Variants in LOX observed in about 807,000 individuals in gnomAD.
The protein encoded by LOX is lysyl oxidase, also known as protein-lysine 6-oxidase.
In LOX, 12 loss-of-function variants were observed where a neutral mutation model predicts 50.5. That is an observed-to-expected ratio of 0.24 (90% CI 0.15 to 0.38). LOX has a LOEUF of 0.38. LOX is among the 10% of genes least tolerant of loss of function. LOX has a pLI of 1.00. For synonymous variants in LOX, 254 were observed against 230.6 expected (o/e 1.10, Z -0.92); for missense variants, 504 against 563.8 (o/e 0.89, Z 1.07).
chr5:122,070,361 G>T (rs972874947), intron 5 of LOX, 133 bp downstream of exon 5: 6 of 648,174 alleles, frequency 9.3e-6, no homozygotes, highest in Non-Finnish European at 8.2e-6. Context: ...GATTAGATTA[G>T]ATTAGATTGT....
In LOX at chr5:122,063,906, T is replaced by A. The variant is rs1271728294; in HGVS notation, c.*2837A>T. 6.6e-6 allele frequency: 1 copy of A among 151,918 alleles called. No individual in the cohort carries two copies. The highest frequency in any genetic ancestry group is 1.5e-5 in the Non-Finnish European group (1 of 67,890). The allele number at this position is 151,918 out of a possible 1,614,324, so 9.4% of individuals were successfully genotyped here. ...CTACAAATAATGCCTAGTGAGTAAT[T>A]GGATGATAGAAATTGTAAATAAAGT... On this transcript the variant is annotated 3_prime_UTR_variant, in exon 7 of 7. Coordinates refer to ENST00000231004, the MANE Select transcript of LOX (RefSeq NM_002317.7).
At position 122,065,752 on chromosome 5, in the gene LOX, T is replaced by C. The variant is rs1189914944; in HGVS notation, c.*991A>G. On this transcript the variant is annotated 3_prime_UTR_variant, in exon 7 of 7. Transcript: ENST00000231004. ...AACTTGAAAAATCCTAAAATGTTTTTCAATTTTTTTAAGCTATTTGAGAGA... is the reference window on the plus strand; with the variant it reads ...AACTTGAAAAATCCTAAAATGTTTTCCAATTTTTTTAAGCTATTTGAGAGA... The C allele has an allele frequency of 1.3e-5, 2 of 152,110 alleles. No homozygotes were observed. The highest frequency in any genetic ancestry group is 2.9e-5 in the Non-Finnish European group (2 of 67,990). The allele number at this position is 152,110 out of a possible 1,614,324, so 9.4% of individuals were successfully genotyped here.
chr5:122,066,666 C>T lies in LOX; in HGVS notation c.*77G>A. 8.7e-7 allele frequency: 1 copy of T among 1,152,588 alleles called. No homozygotes were observed. Among genetic ancestry groups the T allele is most frequent in the South Asian group, 1.3e-5 (1 of 77,842 alleles). The allele number at this position is 1,152,588 out of a possible 1,614,324, so 71.4% of individuals were successfully genotyped here. A position where few individuals can be genotyped will look rare whatever the true frequency, so the allele number is the denominator to read the frequency against. ...TTCTCTTTTTCAAAATACATAAATC[C>T]TACTGAAGTTAGTCTATTTTTTCCC... On this transcript the variant is annotated 3_prime_UTR_variant, in exon 7 of 7. Coordinates refer to ENST00000231004, the MANE Select transcript of LOX (RefSeq NM_002317.7).
rs768819499 is a variant in LOX at position 122,070,111 on chromosome 5, G to A, written c.1189C>T (p.Arg397Cys). The A allele has an allele frequency of 9.3e-6, 15 of 1,613,272 alleles. No homozygotes were observed. Among genetic ancestry groups the A allele is most frequent in the Admixed American group, 1.7e-5 (1 of 59,946 alleles). The change falls in exon 6 of 7, where the codon CGC becomes TGC. Residue 397 changes from arginine (R) to cysteine (C), a missense_variant. This residue lies in a region of LOX where 106 missense variants were observed against 198.1 expected (regional missense o/e 0.54). Coordinates refer to ENST00000231004, the MANE Select transcript of LOX (RefSeq NM_002317.7). Reference protein sequence around the residue: ...PESDYTNNVVRCDIRYTGHHA... With the variant: ...PESDYTNNVVCCDIRYTGHHA... Reference sequence around the variant, plus strand: ...TGTCCTGTGTAGCGAATGTCACAGCGCACAACATTGTTGGTATAGTCAGAT... The same window carrying A: ...TGTCCTGTGTAGCGAATGTCACAGCACACAACATTGTTGGTATAGTCAGAT...
chr5:122,077,422 A>G lies in LOX; in HGVS notation c.564T>C (p.Asp188=), dbSNP rs1051884002. 8.1e-6 allele frequency: 13 copies of G among 1,613,900 alleles called. No homozygotes were observed. In the African/African-American group the frequency reaches 1.7e-4, roughly 22 times the overall value. Residue 188 remains aspartate (D), a synonymous_variant, in exon 1 of 7, where the codon GAT becomes GAC. Coordinates refer to ENST00000231004, the MANE Select transcript of LOX (RefSeq NM_002317.7). This position sits in a 1 kb window ranked among gnomAD's most constrained non-coding sequence, Gnocchi z 4.9. ...SDDNPYYNYY[D]TYERPRPGGR... ...CCCCAGGTCTGGGCCTTTCATAAGT[A>G]TCGTAGTAGTTGTAATAAGGGTTGT...
rs1343534145 is a variant in LOX, at chr5:122,077,475, G to T, written c.511C>A (p.Pro171Thr). ...SRVDGMVGDD[P>T]YNPYKYSDDN... The stretch of plus-strand genomic sequence containing the variant: ...TCAGAGTACTTGTAGGGGTTGTAAG[G>T]GTCGTCGCCCACCATGCCGTCCACG... The change falls in exon 1 of 7, where the codon CCT becomes ACT. Residue 171 changes from proline (P) to threonine (T), a missense_variant. Pro to Thr is a conservative substitution (Grantham distance 38, BLOSUM62 -1). This residue lies in a region of LOX where 398 missense variants were observed against 365.8 expected (regional missense o/e 1.09). Coordinates refer to ENST00000231004, the MANE Select transcript of LOX (RefSeq NM_002317.7). The surrounding 1 kb of genome is among the most constrained non-coding windows in gnomAD (Gnocchi z 4.9). 2 of 1,614,030 alleles carry T rather than the reference G, an allele frequency of 1.2e-6. No individual in the cohort carries two copies. The highest frequency in any genetic ancestry group is 1.7e-6 in the Non-Finnish European group (2 of 1,180,004).
Position 122,070,110 on chromosome 5 carries a change from C to T in LOX, c.1190G>A (p.Arg397His), listed in dbSNP as rs749796906. The change falls in exon 6 of 7, where the codon CGC becomes CAC. Residue 397 changes from arginine to histidine, a missense_variant. Physicochemically the swap from Arg to His is conservative, Grantham distance 29. Coordinates refer to ENST00000231004, the MANE Select transcript of LOX (RefSeq NM_002317.7). ...ATGTCCTGTGTAGCGAATGTCACAGCGCACAACATTGTTGGTATAGTCAGA... is the reference window on the plus strand; with the variant it reads ...ATGTCCTGTGTAGCGAATGTCACAGTGCACAACATTGTTGGTATAGTCAGA... ...PESDYTNNVVRCDIRYTGHHA... is the reference protein window; with the variant it reads ...PESDYTNNVVHCDIRYTGHHA... The T allele has an allele frequency of 4.1e-5, 66 of 1,613,176 alleles. No individual in the cohort carries two copies. The highest frequency in any genetic ancestry group is 4.7e-5 in the Non-Finnish European group (55 of 1,179,406).
rs201820359 is a variant in LOX at position 122,076,879 on chromosome 5, A to G, written c.740+14T>C. 3.1e-6 allele frequency: 5 copies of G among 1,612,602 alleles called. No homozygotes were observed. The highest frequency in any genetic ancestry group is 2.2e-5 in the East Asian group (1 of 44,866). On this transcript the variant is annotated intron_variant, in intron 2 of 6. Coordinates refer to ENST00000231004, the MANE Select transcript of LOX (RefSeq NM_002317.7). ...TAGACCGGGGAGCGGGGCCTCAGAC[A>G]TATCAGCCCGTACCTGGCCAGACAG...
Position 122,077,891 on chromosome 5 carries a change from G to A in LOX, c.95C>T (p.Pro32Leu), listed in dbSNP as rs780762236. The stretch of plus-strand genomic sequence containing the variant: ...GCCCGGAGCCGCCGGCGGCTCGCGC[G>A]GGGGCTGCTGTTGGCCGGCGGCGGG... Reference protein sequence around the residue: ...APPAAGQQQPPREPPAAPGAW... With the variant: ...APPAAGQQQPLREPPAAPGAW... Residue 32 changes from proline (P) to leucine (L), a missense_variant, in exon 1 of 7, where the codon CCG becomes CTG. Physicochemically the swap from Pro to Leu is moderately conservative, Grantham distance 98. Coordinates refer to ENST00000231004, the MANE Select transcript of LOX (RefSeq NM_002317.7). The surrounding 1 kb of genome is among the most constrained non-coding windows in gnomAD (Gnocchi z 4.9). 68 of 1,527,572 alleles carry A rather than the reference G, an allele frequency of 4.5e-5. No homozygotes were observed. The East Asian group carries it at 1.5e-3, about 34-fold the overall frequency. 94.6% of individuals were successfully genotyped at this position (1,527,572 alleles called of 1,614,324 possible). A position where few individuals can be genotyped will look rare whatever the true frequency, so the allele number is the denominator to read the frequency against.
At chr5:122,068,114 T>C (rs1009174975) in intron 6 of LOX, among the ~76,000 whole-genome samples, 19 of 148,614 alleles carry the variant, frequency 1.3e-4, no homozygotes, top group African/African-American at 4.7e-4. Context: ...TGGTTTATAT[T>C]AGTTATAAAC....
chr5:122,070,287 A>G, intron 5 of LOX, 119 bp from the exon 6 acceptor site: 1 of 696,706 alleles, frequency 1.4e-6, no homozygotes, highest in Admixed American at 2.4e-5. Context: ...GTAAGTGGTT[A>G]AACTCTGGAG....
At position 122,077,416 on chromosome 5, in the gene LOX, A is replaced by G. The variant is rs1445924381; in HGVS notation, c.570T>C (p.Tyr190=). The G allele has an allele frequency of 1.2e-6, 2 of 1,613,976 alleles. No individual in the cohort carries two copies. The highest frequency in any genetic ancestry group is 2.2e-5 in the East Asian group (1 of 44,874). The change falls in exon 1 of 7, where the codon TAT becomes TAC. Residue 190 remains tyrosine (Y), a synonymous_variant. Coordinates refer to ENST00000231004, the MANE Select transcript of LOX (RefSeq NM_002317.7). This position sits in a 1 kb window ranked among gnomAD's most constrained non-coding sequence, Gnocchi z 4.9. ...ACCTGCCCCCAGGTCTGGGCCTTTC[A>G]TAAGTATCGTAGTAGTTGTAATAAG... ...DNPYYNYYDT[Y]ERPRPGGRYR...
At chr5:122,068,543 G>A (rs1754364741) in intron 6 of LOX, among the ~76,000 whole-genome samples, 1 of 152,078 alleles carries the variant, frequency 6.6e-6, no homozygotes, top group Non-Finnish European at 1.5e-5. Flanking sequence ...CAAATTATTT[G>A]AGAAAGAAAT....
chr5:122,075,824 T>TA (rs1754609495), intron 2 of LOX, among the ~76,000 whole-genome samples: 1 of 152,124 alleles, frequency 6.6e-6, no homozygotes, highest in South Asian at 2.1e-4. Flanking sequence ...TAATAAGCAT[T>TA]AAAAATCTAA....
Position 122,070,185 on chromosome 5 carries a change from G to A in LOX, c.1132-17C>T, listed in dbSNP as rs199747432. 4 of 1,350,548 alleles carry A rather than the reference G, an allele frequency of 3.0e-6. No homozygotes were observed. The African/African-American group carries it at 4.3e-5, about 15-fold the overall frequency. The allele number at this position is 1,350,548 out of a possible 1,614,324, so 83.7% of individuals were successfully genotyped here. ...TACACTGACCTGGGCAACACAAAGA[G>A]TTCCTCAGTATTTCTTTTTCCATAG... On this transcript the variant is annotated splice_polypyrimidine_tract_variant and intron_variant, in intron 5 of 6. Transcript: ENST00000231004.
rs768419742 is a variant in LOX at position 122,075,541 on chromosome 5, A to C, written c.741T>G (p.Ser247Arg). 1.5e-4 allele frequency: 239 copies of C among 1,567,332 alleles called. No homozygotes were observed. The highest frequency in any genetic ancestry group is 5.1e-4 in the Middle Eastern group (3 of 5,830). ...CTCTGACATCTGCCCTGTATGCTGTACTGTGATTTTGAAAAAAGAAAAATT... is the reference window on the plus strand; with the variant it reads ...CTCTGACATCTGCCCTGTATGCTGTCCTGTGATTTTGAAAAAAGAAAAATT... ...RCAAEENCLASTAYRADVRDY... is the reference protein window; with the variant it reads ...RCAAEENCLARTAYRADVRDY... Residue 247 changes from serine (S) to arginine (R), a missense_variant and splice_region_variant, in exon 3 of 7, where the codon AGT becomes AGG. By Grantham distance (110) the Ser-to-Arg change is moderately radical. Coordinates refer to ENST00000231004, the MANE Select transcript of LOX (RefSeq NM_002317.7).
intron 2 of LOX, chr5:122,076,033 T>A (rs1369626575): frequency 6.6e-6 from 1 of 152,276 alleles, no homozygotes; most frequent in Non-Finnish European, 1.5e-5. Flanking sequence ...TTTAAATTAA[T>A]AATTTTGTAA....
chr5:122,074,669 T>C (rs1754563715), intron 3 of LOX, among the ~76,000 whole-genome samples: 1 of 152,222 alleles, frequency 6.6e-6, no homozygotes, highest in South Asian at 2.1e-4. Flanking sequence ...ATTTAAATAG[T>C]ACACACTTTT....
At chr5:122,068,174 TAAAAAA>T (rs10650287) in intron 6 of LOX, among the ~76,000 whole-genome samples, 19 of 115,910 alleles carry the variant, frequency 1.6e-4, no homozygotes, top group African/African-American at 4.0e-4. Flanking sequence ...TAATAACTAG[TAAAAAA>T]AAAAAAAAAA....
Sources: gnomAD v4.1 joint callset for allele counts (sites outside exome capture counted in the v4.1 genomes callset) on GRCh38, gnomAD v4.1.1 for gene constraint, gnomAD v4.1.1 regional missense constraint, Gnocchi (gnomAD v3.1) non-coding constraint, MANE v1.5 for transcripts, NCBI Gene and HGNC (gene_info 2026-07-23, HGNC 2026-07-21) for gene names.